The following EPS15 variants were observed in gnomAD, a reference collection of about 807,000 sequenced individuals.
The protein encoded by EPS15 is epidermal growth factor receptor pathway substrate 15.
Under a neutral mutation model 113.8 loss-of-function variants are expected in EPS15, and 72 were observed. The ratio of observed to expected loss-of-function variants is 0.63; its 90% CI spans 0.52 to 0.77. EPS15 has a LOEUF of 0.77. Ranked by LOEUF, EPS15 falls within the 30% of genes least tolerant of loss-of-function variation. The probability of loss-of-function intolerance (pLI) is 0.00; values close to 1 mark genes in which losing one functional copy is unlikely to be tolerated. For synonymous variants in EPS15, 344 were observed against 363.4 expected, an observed-to-expected ratio of 0.95 and a Z score of 0.61; for missense variants, 1,048 against 1,045.8, an observed-to-expected ratio of 1.00 and a Z score of -0.03.
chr1:51,437,492 A>ATTT (rs765352350), intron 12 of EPS15, among the ~76,000 whole-genome samples: 1 of 136,862 alleles, frequency 7.3e-6, no homozygotes, highest in Non-Finnish European at 1.6e-5. Flanking sequence ...AAAAAAAAAA[A>ATTT]TTTTTTTTTT....
chr1:51,423,486 A>C (rs1019947204), intron 12 of EPS15: 1 of 985,320 alleles, frequency 1.0e-6, no homozygotes, highest in South Asian at 4.7e-5. Context: ...GTCTTGCTGC[A>C]GCATGTTAGA....
chr1:51,474,064 C>CA (rs914630200), intron 2 of EPS15, among the ~76,000 whole-genome samples: 5 of 152,186 alleles, frequency 3.3e-5, no homozygotes, highest in Non-Finnish European at 7.4e-5. Flanking sequence ...AAACATTGAT[C>CA]AAACTCTTAT....
In EPS15 at chr1:51,405,817, C is replaced by T. The variant is rs574710720; in HGVS notation, c.1677+88G>A. 4.5e-4 allele frequency: 485 copies of T among 1,081,234 alleles called. 2 individuals are homozygous for T. Among genetic ancestry groups the T allele is most frequent in the South Asian group, 1.8e-3 (138 of 76,240 alleles). 67.0% of individuals were successfully genotyped at this position (1,081,234 alleles called of 1,614,324 possible). ...TCAATTGTCCTCAGATGAGGCAAGG[C>T]CATGTATTTATATTAGATATAATGT... On this transcript the variant is annotated intron_variant, in intron 16 of 24. Transcript: ENST00000371733.
chr1:51,361,464 G>A (rs575641869), intron 23 of EPS15, 109 bp from the exon 24 acceptor site: 2 of 768,398 alleles, frequency 2.6e-6, no homozygotes, highest in South Asian at 1.9e-5. Flanking sequence ...GGATGATTGA[G>A]TACCTAAAAC....
Position 51,431,026 on chromosome 1 carries a change from AC to A in EPS15, c.1041-9169del, listed in dbSNP as rs1427690365. Reference sequence around the variant, plus strand: ...CACACACACACACACACACACACACACAAAAATAAAACTTGCCTTAATTATA... The same window carrying A: ...CACACACACACACACACACACACACAAAAAATAAAACTTGCCTTAATTATA... On this transcript the variant is annotated intron_variant, in intron 12 of 24. Transcript: ENST00000371733. Among the ~76,000 whole-genome samples the A allele has an allele frequency of 3.1e-3, 341 of 111,662 alleles. 1 individual carries two copies. The highest frequency in any genetic ancestry group is 8.2e-3 in the African/African-American group (186 of 22,614). The allele number at this position is 111,662 out of a possible 152,430, so 73.3% of individuals were successfully genotyped here.
intron 23 of EPS15, among the ~76,000 whole-genome samples, chr1:51,362,368 A>G (rs1176794347): frequency 6.6e-6 from 1 of 152,198 alleles, no homozygotes; most frequent in Admixed American, 6.5e-5. Flanking sequence ...CTCCCAGTTT[A>G]GTGCTCTTTC....
At chr1:51,441,822 C>T (rs1189730895) in intron 11 of EPS15, among the ~76,000 whole-genome samples, 1 of 152,066 alleles carries the variant, frequency 6.6e-6, no homozygotes, top group Admixed American at 6.6e-5. Context: ...AAGAGTCTTC[C>T]GATTTAAGTG....
rs1474997365 is a variant in EPS15 at position 51,361,307 on chromosome 1, T to C, written c.2408A>G (p.Asn803Ser). ...KLDSPDPFKLNDPFQPFPGND... is the reference protein window; with the variant it reads ...KLDSPDPFKLSDPFQPFPGND... The stretch of plus-strand genomic sequence containing the variant: ...GCCTGGGAAAGGCTGAAATGGATCA[T>C]TCAGTTTAAAGGGATCAGGAGAATC... Residue 803 changes from asparagine (N) to serine (S), a missense_variant, in exon 24 of 25, where the codon AAT becomes AGT. Physicochemically the swap from Asn to Ser is conservative, Grantham distance 46 (BLOSUM62 1). Transcript: ENST00000371733. 6.2e-7 allele frequency: 1 copy of C among 1,614,002 alleles called. No homozygotes were observed. Among genetic ancestry groups the C allele is most frequent in the Non-Finnish European group, 8.5e-7 (1 of 1,179,924 alleles).
In EPS15 at chr1:51,401,755, C is replaced by A. The variant is rs138356993; in HGVS notation, c.1882+680G>T. Among the ~76,000 whole-genome samples, 428 of 152,344 alleles carry A rather than the reference C, an allele frequency of 2.8e-3. 1 individual carries two copies. Among genetic ancestry groups the A allele is most frequent in the Non-Finnish European group, 4.2e-3 (283 of 68,028 alleles). Reference sequence around the variant, plus strand: ...CAGTGGCTCACACCTGTAATCCCAGCACTTTAGAAGGCCGAGGCAGGCGGA... The same window carrying A: ...CAGTGGCTCACACCTGTAATCCCAGAACTTTAGAAGGCCGAGGCAGGCGGA... On this transcript the variant is annotated intron_variant, in intron 18 of 24. Transcript: ENST00000371733.
chr1:51,499,585 C>A (rs1644379471), intron 1 of EPS15, among the ~76,000 whole-genome samples: 1 of 152,078 alleles, frequency 6.6e-6, no homozygotes. Context: ...GAGCCATGCA[C>A]AAGGGTTCCA....
intron 1 of EPS15, among the ~76,000 whole-genome samples, chr1:51,484,006 G>C (rs928839178): frequency 1.3e-4 from 20 of 151,932 alleles, no homozygotes; most frequent in Admixed American, 1.2e-3. Flanking sequence ...AGCTACTCAG[G>C]AGGCTGAGGC....
At chr1:51,487,488 T>C (rs1351466738) in intron 1 of EPS15, among the ~76,000 whole-genome samples, 1 of 152,184 alleles carries the variant, frequency 6.6e-6, no homozygotes, top group Non-Finnish European at 1.5e-5. Flanking sequence ...GTACCCCCTT[T>C]CATTCTCAAA....
At chr1:51,444,804 A>G in intron 11 of EPS15, 85 bp downstream of exon 11, 2 of 1,322,332 alleles carry the variant, frequency 1.5e-6, no homozygotes, top group Middle Eastern at 2.1e-4. Flanking sequence ...TTTCTCTTCT[A>G]TTTCATCCAA....
chr1:51,379,070 T>C (rs1457883566), intron 21 of EPS15, among the ~76,000 whole-genome samples: 2 of 152,208 alleles, frequency 1.3e-5, no homozygotes, highest in Admixed American at 1.3e-4. Context: ...AAGATAGCAC[T>C]GTGAAAGTAG....
intron 21 of EPS15, among the ~76,000 whole-genome samples, chr1:51,389,588 A>G (rs1647200332): frequency 6.6e-6 from 1 of 152,252 alleles, no homozygotes; most frequent in African/African-American, 2.4e-5. Context: ...TCAGCCCAAA[A>G]TCTCCTTAAG....
chr1:51,372,754 AAGCTGAGGC>A, intron 21 of EPS15: 1 of 415,386 alleles, frequency 2.4e-6, no homozygotes, highest in East Asian at 5.8e-5. Context: ...GGAGCAGAGG[AAGCTGAGGC>A]AGCTGGAGCT....
At chr1:51,484,916 T>TA (rs1377979889) in intron 1 of EPS15, among the ~76,000 whole-genome samples, 3 of 152,234 alleles carry the variant, frequency 2.0e-5, no homozygotes, top group Non-Finnish European at 4.4e-5. Context: ...TGAAAACTCT[T>TA]AGATGGTTTT....
chr1:51,372,729 G>C (rs770539527), intron 21 of EPS15: 28 of 411,434 alleles, frequency 6.8e-5, no homozygotes, highest in Non-Finnish European at 1.3e-4. Context: ...ATTTGAGCAT[G>C]TGGCTAATGA....
intron 20 of EPS15, among the ~76,000 whole-genome samples, chr1:51,398,054 A>AT (rs796357920): frequency 0.011 from 1,603 of 143,288 alleles, 27 homozygotes; most frequent in African/African-American, 0.033. Flanking sequence ...CAAGATGAAG[A>AT]TTTTTTTTTT....
Sources: allele counts gnomAD v4.1 joint callset (sites outside exome capture counted in the v4.1 genomes callset), GRCh38; gene constraint gnomAD v4.1.1; transcripts MANE v1.5; gene names NCBI Gene and HGNC (gene_info 2026-07-23, HGNC 2026-07-21).